CABIN1: variants seen among roughly 807,000 people sequenced by gnomAD.
CABIN1 encodes calcineurin-binding protein cabin-1.
CABIN1 carries 133 observed loss-of-function variants against 227.7 expected under a neutral mutation model. The observed-to-expected ratio is 0.58, with a 90% confidence interval of 0.51 to 0.67. The LOEUF (loss-of-function observed/expected upper bound fraction) is 0.67. CABIN1 is among the 30% of genes least tolerant of loss of function. CABIN1 has a pLI of 0.00. For synonymous variants in CABIN1, 1,086 were observed against 1,155.1 expected, an observed-to-expected ratio of 0.94 and a Z score of 1.21; for missense variants, 2,408 against 2,852.5, an observed-to-expected ratio of 0.84 and a Z score of 3.55.
chr22:24,095,942 G>T lies in CABIN1; in HGVS notation c.3798G>T (p.Arg1266=), dbSNP rs769262013. 4 of 1,614,060 alleles carry T rather than the reference G, an allele frequency of 2.5e-6. No homozygotes were observed. Among genetic ancestry groups the T allele is most frequent in the Non-Finnish European group, 3.4e-6 (4 of 1,179,990 alleles). The change falls in exon 25 of 37, where the codon CGG becomes CGT. Residue 1266 remains arginine (R), a synonymous_variant. Coordinates refer to ENST00000263119, the MANE Select transcript of CABIN1 (RefSeq NM_012295.4). The part of the protein sequence containing the change: ...LAMEALEVYF[R]LHASILKLLG... ...TGTCGTTCTCCTAGGTGTACTTTCG[G>T]CTCCATGCTTCCATCCTGAAGCTCC... is the stretch of plus-strand genomic sequence containing the variant.
chr22:24,122,568 C>T (rs1187758191), intron 28 of CABIN1, among the ~76,000 whole-genome samples: 3 of 151,968 alleles, frequency 2.0e-5, no homozygotes, highest in Non-Finnish European at 4.4e-5. Flanking sequence ...ATTATCCAGG[C>T]GTGATGGTGC....
chr22:24,110,861 T>C (rs1472488115), intron 26 of CABIN1, among the ~76,000 whole-genome samples: 1 of 65,732 alleles, frequency 1.5e-5, no homozygotes, highest in Non-Finnish European at 2.8e-5. Context: ...ATGGCCCACC[T>C]AGGTGTGATT....
At chr22:24,060,252 C>A in intron 12 of CABIN1, 111 bp downstream of exon 12, 1 of 1,051,618 alleles carries the variant, frequency 9.5e-7, no homozygotes, top group Non-Finnish European at 1.4e-6. Context: ...TACTTGTGGG[C>A]CTGGAACCTG....
intron 26 of CABIN1, among the ~76,000 whole-genome samples, chr22:24,102,807 C>T (rs1007027520): frequency 1.3e-5 from 2 of 152,048 alleles, no homozygotes; most frequent in Admixed American, 1.3e-4. Context: ...TGCACAGAGC[C>T]GCTGAGGAGT....
At chr22:24,040,219 A>G (rs1601733928) in intron 4 of CABIN1, among the ~76,000 whole-genome samples, 1 of 152,234 alleles carries the variant, frequency 6.6e-6, no homozygotes, top group Non-Finnish European at 1.5e-5. Flanking sequence ...TTTTTGTATG[A>G]TAAGTCAGAT....
chr22:24,145,395 C>G (rs1167997461), intron 29 of CABIN1, among the ~76,000 whole-genome samples: 2 of 152,162 alleles, frequency 1.3e-5, no homozygotes, highest in African/African-American at 4.8e-5. Flanking sequence ...TCTCATAATT[C>G]ATGAGATGTA....
chr22:24,038,251 T>A lies in CABIN1; in HGVS notation c.97-97T>A, dbSNP rs150012238. The A allele has an allele frequency of 6.9e-3, 6,178 of 889,844 alleles. 33 individuals are homozygous for A. The highest frequency in any genetic ancestry group is 0.01 in the Non-Finnish European group (5,329 of 530,794). 55.1% of individuals were successfully genotyped at this position (889,844 alleles called of 1,614,324 possible). A position where few individuals can be genotyped will look rare whatever the true frequency, so the allele number is the denominator to read the frequency against. ...AGTTCCAGCTATCTAATCACATGGT[T>A]GGTTCCTCTGACTGTAGCCCCGCCT... On this transcript the variant is annotated intron_variant, in intron 3 of 36. Coordinates refer to ENST00000263119, the MANE Select transcript of CABIN1 (RefSeq NM_012295.4).
At chr22:24,056,656 G>T in intron 10 of CABIN1, 1 of 385,500 alleles carries the variant, frequency 2.6e-6, no homozygotes, top group Non-Finnish European at 4.8e-6. Context: ...TTTGTTGCTG[G>T]GAGGCAGAGG....
intron 29 of CABIN1, among the ~76,000 whole-genome samples, chr22:24,147,311 C>A (rs1426086012): frequency 9.3e-6 from 1 of 107,448 alleles, no homozygotes; most frequent in African/African-American, 3.4e-5. Flanking sequence ...CTCTCTGCCT[C>A]CCTCCCTCCC....
chr22:24,127,911 A>G (rs774275565), intron 28 of CABIN1, among the ~76,000 whole-genome samples: 14 of 152,250 alleles, frequency 9.2e-5, no homozygotes, highest in Admixed American at 3.9e-4. Flanking sequence ...CTGAGGCACT[A>G]TTGACATTTG....
chr22:24,147,288 C>CCTGCCTCT (rs1267261417), intron 29 of CABIN1, among the ~76,000 whole-genome samples: 7 of 122,558 alleles, frequency 5.7e-5, no homozygotes, highest in Admixed American at 4.7e-4. Flanking sequence ...TCCCTCCCTC[C>CCTGCCTCT]CTGCCTCCCT....
At chr22:24,100,199 C>A (rs1388438544) in intron 26 of CABIN1, among the ~76,000 whole-genome samples, 1 of 152,242 alleles carries the variant, frequency 6.6e-6, no homozygotes, top group Non-Finnish European at 1.5e-5. Context: ...CCATCAGGAT[C>A]CCATGGCCCA....
chr22:24,083,501 A>G (rs1350000852), intron 20 of CABIN1, 112 bp downstream of exon 20: 21 of 1,186,760 alleles, frequency 1.8e-5, no homozygotes, highest in Non-Finnish European at 2.5e-5. Flanking sequence ...GAGTTGCATC[A>G]GAAGGAGGAG....
intron 17 of CABIN1, among the ~76,000 whole-genome samples, chr22:24,071,647 C>T (rs2040094511): frequency 6.6e-6 from 1 of 152,200 alleles, no homozygotes. Context: ...ACACTTGCCA[C>T]AGTCTCCTCT....
At chr22:24,134,805 C>T (rs2044290752) in intron 29 of CABIN1, among the ~76,000 whole-genome samples, 1 of 152,236 alleles carries the variant, frequency 6.6e-6, no homozygotes, top group Admixed American at 6.5e-5. Flanking sequence ...GGGCCGGGCG[C>T]GGTGGCTCAC....
intron 30 of CABIN1, 87 bp downstream of exon 30, chr22:24,164,650 C>T (rs2046346941): frequency 6.8e-7 from 1 of 1,463,204 alleles, no homozygotes; most frequent in East Asian, 2.4e-5. Context: ...CTGCTCTGGC[C>T]CAGCTGTGAG....
intron 28 of CABIN1, among the ~76,000 whole-genome samples, chr22:24,133,863 G>A (rs888588839): frequency 6.6e-6 from 1 of 152,196 alleles, no homozygotes; most frequent in Non-Finnish European, 1.5e-5. Flanking sequence ...TAAGCACTGT[G>A]GCCAGAGTCC....
chr22:24,128,367 C>T (rs1214116950), intron 28 of CABIN1, among the ~76,000 whole-genome samples: 1 of 152,106 alleles, frequency 6.6e-6, no homozygotes, highest in East Asian at 1.9e-4. Context: ...AACAGACATT[C>T]TAATTATAAT....
At chr22:24,113,324 C>G (rs984330134) in intron 26 of CABIN1, among the ~76,000 whole-genome samples, 2 of 152,206 alleles carry the variant, frequency 1.3e-5, no homozygotes, top group Non-Finnish European at 2.9e-5. Flanking sequence ...TAAACATTTA[C>G]CAGAATACCA....
Sources: allele counts gnomAD v4.1 joint callset (sites outside exome capture counted in the v4.1 genomes callset), GRCh38; gene constraint gnomAD v4.1.1; transcripts MANE v1.5; gene names NCBI Gene and HGNC (gene_info 2026-07-23, HGNC 2026-07-21).